The following DHRSX variants were observed in gnomAD, a reference collection of about 807,000 sequenced individuals.
DHRSX encodes dehydrogenase/reductase X-linked.
A neutral mutation model predicts 34.0 loss-of-function variants in DHRSX; 31 were observed. The observed-to-expected ratio is 0.91, with a 90% confidence interval of 0.69 to 1.23. The LOEUF is 1.23. Among genes scored for constraint, DHRSX ranks in the 50% most tolerant of loss-of-function variants. DHRSX has a pLI of 0.00. For missense variants in DHRSX, 414 were observed against 428.1 expected (o/e 0.97, Z 0.29); for synonymous variants, 201 against 183.8 (o/e 1.09, Z -0.76).
intron 1 of DHRSX, among the ~76,000 whole-genome samples, chrX:2,441,055 A>G (rs2044056541): frequency 6.6e-6 from 1 of 152,194 alleles, no homozygotes. Flanking sequence ...TAGTTTCCAC[A>G]GCCACATTCA....
intron 2 of DHRSX, among the ~76,000 whole-genome samples, chrX:2,415,995 C>G (rs1190614681): frequency 6.6e-6 from 1 of 151,784 alleles, no homozygotes; most frequent in African/African-American, 2.4e-5. Flanking sequence ...CTCATCATAA[C>G]CTAACCCAAC....
At chrX:2,421,681 G>A (rs1468622392) in intron 2 of DHRSX, among the ~76,000 whole-genome samples, 1 of 152,184 alleles carries the variant, frequency 6.6e-6, no homozygotes, top group African/African-American at 2.4e-5. Context: ...GTGGGCAGCA[G>A]CCGTGCATTT....
At chrX:2,244,876 A>T (rs1019054925) in intron 5 of DHRSX, among the ~76,000 whole-genome samples, 5 of 151,468 alleles carry the variant, frequency 3.3e-5, no homozygotes, top group African/African-American at 1.2e-4. Context: ...CTGCCTGGCT[A>T]ATTTTTTGTA....
At chrX:2,464,134 G>T (rs193011618) in intron 1 of DHRSX, among the ~76,000 whole-genome samples, 1 of 150,768 alleles carries the variant, frequency 6.6e-6, no homozygotes, top group Non-Finnish European at 1.5e-5. Context: ...CGCCATGTAC[G>T]CACTGAAGAC....
chrX:2,276,369 T>A (rs969126657), intron 4 of DHRSX, among the ~76,000 whole-genome samples: 1 of 152,108 alleles, frequency 6.6e-6, no homozygotes, highest in Non-Finnish European at 1.5e-5. Flanking sequence ...CTTCGCCAAT[T>A]CAAAGGTGGA....
At chrX:2,258,180 G>A (rs1344318548) in intron 5 of DHRSX, among the ~76,000 whole-genome samples, 1 of 150,934 alleles carries the variant, frequency 6.6e-6, no homozygotes, top group Non-Finnish European at 1.5e-5. Context: ...AATGTCTGCT[G>A]TTATAAGCTA....
intron 4 of DHRSX, among the ~76,000 whole-genome samples, chrX:2,269,543 A>C (rs1251271808): frequency 6.6e-6 from 1 of 151,892 alleles, no homozygotes; most frequent in African/African-American, 2.4e-5. Context: ...GTATGTATTT[A>C]TTTATTTTTT....
Position 2,266,814 on chromosome X carries a change from G to A in DHRSX, c.522C>T (p.His174=). ...DTLKESGSPG[H]SARVVTVSSA... is the part of the protein sequence containing the mutation. ...AGGAGACGGTGACCACCCTCGCACT[G>A]TGGCCAGGGGACCCAGACTCTTTCA... Residue 174 remains histidine (H), a synonymous_variant, in exon 5 of 7, where the codon CAC becomes CAT. Transcript: ENST00000334651. The A allele has an allele frequency of 1.9e-6, 3 of 1,613,992 alleles. No individual in the cohort carries two copies. The highest frequency in any genetic ancestry group is 2.5e-6 in the Non-Finnish European group (3 of 1,179,856).
intron 3 of DHRSX, among the ~76,000 whole-genome samples, chrX:2,404,642 T>A (rs2043529500): frequency 1.3e-5 from 2 of 152,102 alleles, no homozygotes; most frequent in Admixed American, 1.3e-4. Flanking sequence ...AACATATTAT[T>A]CCTTAAAAAA....
At chrX:2,322,290 T>C (rs922706742) in intron 3 of DHRSX, among the ~76,000 whole-genome samples, 4 of 152,112 alleles carry the variant, frequency 2.6e-5, no homozygotes, top group African/African-American at 9.7e-5. Flanking sequence ...GGCTCAAGCC[T>C]GTAATCTCCA....
chrX:2,309,647 C>T (rs1450169221), intron 3 of DHRSX, among the ~76,000 whole-genome samples: 2 of 152,128 alleles, frequency 1.3e-5, no homozygotes, highest in African/African-American at 4.8e-5. Flanking sequence ...TGTGGTGGCT[C>T]ACCCTGTCAC....
intron 1 of DHRSX, among the ~76,000 whole-genome samples, chrX:2,466,676 A>C (rs1385896124): frequency 6.6e-6 from 1 of 152,138 alleles, no homozygotes; most frequent in Non-Finnish European, 1.5e-5. Context: ...ACTACCTATC[A>C]GGTGGTACTG....
chrX:2,394,606 G>A (rs1345314125), intron 3 of DHRSX, among the ~76,000 whole-genome samples: 3 of 152,150 alleles, frequency 2.0e-5, no homozygotes, highest in African/African-American at 7.2e-5. Flanking sequence ...AGTGGCTCAC[G>A]CCTGTAATCC....
intron 3 of DHRSX, among the ~76,000 whole-genome samples, chrX:2,368,630 A>C (rs1486443544): frequency 6.6e-6 from 1 of 152,164 alleles, no homozygotes; most frequent in Non-Finnish European, 1.5e-5. Context: ...AGGGCGGATC[A>C]CTTGAGGTCA....
intron 1 of DHRSX, among the ~76,000 whole-genome samples, chrX:2,447,012 G>A (rs1400169056): frequency 6.6e-6 from 1 of 151,626 alleles, no homozygotes; most frequent in Non-Finnish European, 1.5e-5. Context: ...CATTCCCTAG[G>A]CATGAGGCCA....
At chrX:2,227,467 G>T (rs1381464813) in intron 6 of DHRSX, among the ~76,000 whole-genome samples, 1 of 145,298 alleles carries the variant, frequency 6.9e-6, no homozygotes, top group Non-Finnish European at 1.5e-5. Context: ...CAGTAAGAAA[G>T]GAAGGAAGCA....
chrX:2,453,381 CA>C (rs2044251870), intron 1 of DHRSX, among the ~76,000 whole-genome samples: 1 of 148,704 alleles, frequency 6.7e-6, no homozygotes, highest in Non-Finnish European at 1.5e-5. Context: ...AAAAAAAAAA[CA>C]AAAAATTAGC....
intron 1 of DHRSX, among the ~76,000 whole-genome samples, chrX:2,498,106 A>C (rs2045326085): frequency 6.6e-6 from 1 of 152,192 alleles, no homozygotes; most frequent in Non-Finnish European, 1.5e-5. Flanking sequence ...GTAAGAAGAC[A>C]CCATTTAGGA....
intron 5 of DHRSX, among the ~76,000 whole-genome samples, chrX:2,262,775 G>A (rs2041381581): frequency 1.3e-5 from 2 of 152,162 alleles, no homozygotes; most frequent in Non-Finnish European, 2.9e-5. Context: ...TCCCACAACC[G>A]GCAGGGTTCA....
Sources: gnomAD v4.1 joint callset for allele counts (sites outside exome capture counted in the v4.1 genomes callset) on GRCh38, gnomAD v4.1.1 for gene constraint, MANE v1.5 for transcripts, NCBI Gene and HGNC (gene_info 2026-07-23, HGNC 2026-07-21) for gene names.